Variants in GOLGA4 observed in about 807,000 individuals in gnomAD.
GOLGA4 encodes the protein golgin A4, also known as golgin subfamily A member 4.
Under a neutral mutation model 265.9 loss-of-function variants are expected in GOLGA4, and 169 were observed. The observed-to-expected ratio is 0.64, with a 90% CI of 0.56 to 0.72. GOLGA4 has a LOEUF of 0.72. Ranked by LOEUF, GOLGA4 falls within the 30% of genes least tolerant of loss-of-function variation. The pLI, the probability that GOLGA4 is intolerant of heterozygous loss-of-function variation, is 0.00. For synonymous variants in GOLGA4, 923 were observed against 855.8 expected (o/e 1.08, Z -1.37); for missense variants, 2,482 against 2,483.4 (o/e 1.00, Z 0.01).
intron 5 of GOLGA4, among the ~76,000 whole-genome samples, chr3:37,294,681 C>T (rs556615402): frequency 2.0e-5 from 3 of 152,260 alleles, no homozygotes; most frequent in South Asian, 2.1e-4. Flanking sequence ...CCACCGCACC[C>T]GGCCTGTCTT....
intron 1 of GOLGA4, 53 bp from the exon 2 acceptor site, chr3:37,251,342 A>G (rs1395483798): frequency 4.6e-6 from 5 of 1,089,462 alleles, no homozygotes; most frequent in Admixed American, 1.7e-5. Flanking sequence ...CCTAGTTCAT[A>G]GTTCACTAGT....
At chr3:37,336,197 G>C (rs924320810) in intron 17 of GOLGA4, among the ~76,000 whole-genome samples, 1 of 152,062 alleles carries the variant, frequency 6.6e-6, no homozygotes, top group Non-Finnish European at 1.5e-5. Flanking sequence ...AGTTAGTTCT[G>C]TTTAAATTTT....
At chr3:37,333,018 C>T (rs1372237100) in intron 16 of GOLGA4, among the ~76,000 whole-genome samples, 1 of 152,202 alleles carries the variant, frequency 6.6e-6, no homozygotes, top group Non-Finnish European at 1.5e-5. Context: ...TTTTGTTCTT[C>T]TCTAGTCGTG....
intron 21 of GOLGA4, 101 bp from the exon 22 acceptor site, chr3:37,355,000 T>C (rs564333932): frequency 2.8e-6 from 2 of 708,506 alleles, no homozygotes; most frequent in African/African-American, 1.8e-5. Flanking sequence ...GTGGCTTTCA[T>C]TGAGAGCACT....
intron 2 of GOLGA4, chr3:37,276,584 T>C: frequency 1.3e-6 from 2 of 1,588,558 alleles, no homozygotes; most frequent in Non-Finnish European, 1.7e-6. Context: ...TGGAAATCGA[T>C]GGAAGTTCTG....
At chr3:37,287,939 A>ACC (rs1457815115) in intron 4 of GOLGA4, among the ~76,000 whole-genome samples, 1 of 151,736 alleles carries the variant, frequency 6.6e-6, no homozygotes, top group Non-Finnish European at 1.5e-5. Context: ...CTATTCCTTT[A>ACC]CCTCTGTATT....
chr3:37,297,930 G>C (rs980961999), intron 7 of GOLGA4, among the ~76,000 whole-genome samples: 3 of 152,230 alleles, frequency 2.0e-5, no homozygotes, highest in Admixed American at 2.0e-4. Flanking sequence ...TTGGGAGGTT[G>C]AGGCAGGGGA....
intron 9 of GOLGA4, 28 bp from the exon 10 acceptor site, chr3:37,302,157 A>G: frequency 6.2e-7 from 1 of 1,603,064 alleles, no homozygotes. Flanking sequence ...TGTTATGCAA[A>G]TGTTTTAGAG....
chr3:37,328,185 G>T (rs796866269), intron 14 of GOLGA4, among the ~76,000 whole-genome samples: 10 of 149,980 alleles, frequency 6.7e-5, no homozygotes, highest in African/African-American at 2.5e-4. Context: ...AAAATTCTCT[G>T]GTCCCCAGGA....
At chr3:37,286,309 G>A (rs904204979) in intron 4 of GOLGA4, among the ~76,000 whole-genome samples, 4 of 149,834 alleles carry the variant, frequency 2.7e-5, no homozygotes, top group East Asian at 1.9e-4. Context: ...GCCCGCCACC[G>A]CGCCCGGCTA....
At position 37,325,661 on chromosome 3, in the gene GOLGA4, AAAGTT is replaced by A; in HGVS notation, c.3779_3783del (p.Val1260GlyfsTer6). 2 of 1,613,942 alleles carry A rather than the reference AAAGTT, an allele frequency of 1.2e-6. No homozygotes were observed. Among genetic ancestry groups the A allele is most frequent in the Non-Finnish European group, 1.7e-6 (2 of 1,179,816 alleles). ...TTCTCATTGTCAGCACCGTACAACT[AAAGTT>A]AAGGAGGCACTGTTAATTAAAACTT... On this transcript the variant is annotated frameshift_variant, in exon 14 of 24. Transcript: ENST00000361924. LOFTEE classifies it high-confidence loss of function.
At position 37,321,800 on chromosome 3, in the gene GOLGA4, G is replaced by C; in HGVS notation, c.1615G>C (p.Glu539Gln). The C allele has an allele frequency of 6.2e-7, 1 of 1,613,020 alleles. No individual in the cohort carries two copies. The highest frequency in any genetic ancestry group is 8.5e-7 in the Non-Finnish European group (1 of 1,179,362). Residue 539 changes from glutamate to glutamine, a missense_variant, in exon 13 of 24, where the codon GAG (glutamate) becomes CAG (glutamine). Glu to Gln is a conservative substitution (Grantham distance 29). Around this residue, in one of 3 missense-constraint regions of GOLGA4, gnomAD observed 1,536 missense variants for 1,483.7 expected, o/e 1.04. Coordinates refer to ENST00000361924, the MANE Select transcript of GOLGA4 (RefSeq NM_002078.5). ...KEQQESLALE[E>Q]LELQKKAILT... Reference sequence around the variant, plus strand: ...ACAGCAAGAATCTTTGGCCCTAGAAGAGTTAGAGTTGCAGAAAAAAGCAAT... The same window carrying C: ...ACAGCAAGAATCTTTGGCCCTAGAACAGTTAGAGTTGCAGAAAAAAGCAAT...
Position 37,327,337 on chromosome 3 carries a change from A to G in GOLGA4, c.5451A>G (p.Glu1817=). 6.2e-7 allele frequency: 1 copy of G among 1,613,932 alleles called. No individual in the cohort carries two copies. The highest frequency in any genetic ancestry group is 1.1e-5 in the South Asian group (1 of 91,068). ...CCTTGATAGTAGCCCAGCATGTGGA[A>G]AAAGAAGGAGGTAAAAATAACATAC... ...KYSLIVAQHV[E]KEGGKNNIQA... is the part of the protein sequence containing the mutation. The change falls in exon 14 of 24, where the codon GAA becomes GAG. Residue 1817 remains glutamate, a synonymous_variant. Coordinates refer to ENST00000361924, the MANE Select transcript of GOLGA4 (RefSeq NM_002078.5).
At chr3:37,259,480 A>G (rs114978735) in intron 2 of GOLGA4, among the ~76,000 whole-genome samples, 1,630 of 152,324 alleles carry the variant, frequency 0.011, 25 homozygotes, top group African/African-American at 0.035. Context: ...AACACATAGT[A>G]TAGCTTTGTA....
At chr3:37,247,646 A>G (rs1338034431) in intron 1 of GOLGA4, among the ~76,000 whole-genome samples, 1 of 152,222 alleles carries the variant, frequency 6.6e-6, no homozygotes, top group Non-Finnish European at 1.5e-5. Flanking sequence ...TGTAGGTCAG[A>G]AGTCTGGCAT....
chr3:37,276,094 A>G, intron 2 of GOLGA4: 4 of 1,611,872 alleles, frequency 2.5e-6, no homozygotes, highest in Non-Finnish European at 3.4e-6. Context: ...CTCGGGCACC[A>G]AGCACTTCTG....
intron 20 of GOLGA4, among the ~76,000 whole-genome samples, chr3:37,342,395 C>T (rs2097038977): frequency 6.6e-6 from 1 of 152,026 alleles, no homozygotes; most frequent in African/African-American, 2.4e-5. Context: ...CAAAATAAAA[C>T]ATTCCTAGTT....
intron 20 of GOLGA4, 30 bp downstream of exon 20, chr3:37,340,229 C>T: frequency 1.2e-6 from 1 of 817,830 alleles, no homozygotes; most frequent in Non-Finnish European, 1.9e-6. Flanking sequence ...ATGTTATTAA[C>T]TGTTATCTTT....
intron 9 of GOLGA4, among the ~76,000 whole-genome samples, chr3:37,300,994 ATTTTG>A (rs980131283): frequency 6.6e-6 from 1 of 152,132 alleles, no homozygotes; most frequent in African/African-American, 2.4e-5. Context: ...AAAGCCCATG[ATTTTG>A]TTTTGAGATT....
Sources: gnomAD v4.1 joint callset for allele counts (sites outside exome capture counted in the v4.1 genomes callset) on GRCh38, gnomAD v4.1.1 for gene constraint, gnomAD v4.1.1 regional missense constraint, MANE v1.5 for transcripts, NCBI Gene and HGNC (gene_info 2026-07-23, HGNC 2026-07-21) for gene names.